Variants in SSBP2 observed in about 807,000 individuals in gnomAD.
The protein encoded by SSBP2 is single stranded DNA binding protein 2.
A neutral mutation model predicts 61.8 loss-of-function variants in SSBP2; 17 were observed. The observed-to-expected ratio is 0.28, with a 90% CI of 0.19 to 0.41. The LOEUF is 0.41. Ranked by LOEUF, SSBP2 falls within the 10% of genes least tolerant of loss-of-function variation. The pLI, the probability that SSBP2 is intolerant of heterozygous loss-of-function variation, is 1.00. For missense variants in SSBP2, 310 were observed against 458.7 expected (o/e 0.68, Z 2.96); for synonymous variants, 139 against 141.3 (o/e 0.98, Z 0.12).
In SSBP2 at chr5:81,462,414, G is replaced by C. The variant is rs138487078; in HGVS notation, c.639-1311C>G. Among the ~76,000 whole-genome samples, 202 of 152,268 alleles carry C rather than the reference G, an allele frequency of 1.3e-3. 1 individual carries two copies. The highest frequency in any genetic ancestry group is 4.7e-3 in the African/African-American group (196 of 41,560). On this transcript the variant is annotated intron_variant, in intron 9 of 16. Coordinates refer to ENST00000320672, the MANE Select transcript of SSBP2 (RefSeq NM_012446.5). ...GATTCCCTAGAGGTGTGAGCAGCAG[G>C]GAAGGGAATGAGTCCTGTCCCTGGG...
At chr5:81,494,890 GA>G (rs1192991720) in intron 5 of SSBP2, among the ~76,000 whole-genome samples, 1 of 152,012 alleles carries the variant, frequency 6.6e-6, no homozygotes, top group African/African-American at 2.4e-5. Context: ...GTCTTTTGGA[GA>G]AAAAATTACA....
intron 1 of SSBP2, among the ~76,000 whole-genome samples, chr5:81,711,056 T>C (rs543796655): frequency 6.6e-6 from 1 of 152,098 alleles, no homozygotes; most frequent in East Asian, 1.9e-4. Flanking sequence ...TTAATAACAA[T>C]AAAAATAACA....
rs999548349 is a variant in SSBP2, at chr5:81,704,697, G to T, written c.62+46284C>A. On this transcript the variant is annotated intron_variant, in intron 1 of 16. Coordinates refer to ENST00000320672, the MANE Select transcript of SSBP2 (RefSeq NM_012446.5). The stretch of plus-strand genomic sequence containing the variant: ...TTTAGTCCCAGCTGCTTGGAAGGCT[G>T]AGGCAGGAGAACCGCTTGAACCCAG... Among the ~76,000 whole-genome samples the T allele has an allele frequency of 1.8e-4, 27 of 149,308 alleles. 1 individual carries two copies. Among genetic ancestry groups the T allele is most frequent in the Non-Finnish European group, 4.4e-5 (3 of 67,596 alleles).
intron 1 of SSBP2, among the ~76,000 whole-genome samples, chr5:81,692,348 T>A (rs564300227): frequency 6.6e-6 from 1 of 151,474 alleles, no homozygotes; most frequent in Non-Finnish European, 1.5e-5. Context: ...ATGAAAGAAA[T>A]TGAAGAGGAC....
chr5:81,521,360 G>A (rs1289102618), intron 4 of SSBP2, among the ~76,000 whole-genome samples: 2 of 151,700 alleles, frequency 1.3e-5, no homozygotes, highest in African/African-American at 2.4e-5. Context: ...CATACTCTTA[G>A]CATCCAAAAT....
intron 4 of SSBP2, among the ~76,000 whole-genome samples, chr5:81,535,781 T>C (rs530684123): frequency 6.6e-6 from 1 of 151,964 alleles, no homozygotes; most frequent in Non-Finnish European, 1.5e-5. Flanking sequence ...ACCACAGACA[T>C]ACAAGTAAAA....
At chr5:81,432,546 A>T (rs114092442) in intron 15 of SSBP2, among the ~76,000 whole-genome samples, 1,542 of 152,264 alleles carry the variant, frequency 0.01, 21 homozygotes, top group African/African-American at 0.035. Flanking sequence ...GGAGTTTGAG[A>T]CTAGCCTGGC....
At chr5:81,518,910 G>A (rs1471899917) in intron 4 of SSBP2, among the ~76,000 whole-genome samples, 1 of 152,052 alleles carries the variant, frequency 6.6e-6, no homozygotes, top group Non-Finnish European at 1.5e-5. Context: ...ATCACATATT[G>A]ATAGTTTTCT....
At chr5:81,509,411 T>A (rs1017378052) in intron 5 of SSBP2, among the ~76,000 whole-genome samples, 1 of 152,200 alleles carries the variant, frequency 6.6e-6, no homozygotes, top group Non-Finnish European at 1.5e-5. Flanking sequence ...TGAATTATGA[T>A]TGTCTGCTGC....
chr5:81,441,349 G>A (rs561759764), intron 13 of SSBP2, among the ~76,000 whole-genome samples: 2 of 152,266 alleles, frequency 1.3e-5, no homozygotes, highest in Admixed American at 6.5e-5. Context: ...AGAACCCATG[G>A]CCCGCCCACT....
chr5:81,517,899 G>A (rs1396145995), intron 4 of SSBP2, among the ~76,000 whole-genome samples: 1 of 151,818 alleles, frequency 6.6e-6, no homozygotes, highest in Non-Finnish European at 1.5e-5. Flanking sequence ...GTCTCTGGTA[G>A]GGAAAAAAAG....
intron 4 of SSBP2, among the ~76,000 whole-genome samples, chr5:81,585,147 A>T (rs115863379): frequency 0.012 from 1,833 of 152,136 alleles, 27 homozygotes; most frequent in African/African-American, 0.032. Flanking sequence ...GTGAGTTTAT[A>T]TTTGCTTCAG....
chr5:81,736,644 C>A (rs1306462812), intron 1 of SSBP2, among the ~76,000 whole-genome samples: 1 of 151,846 alleles, frequency 6.6e-6, no homozygotes, highest in African/African-American at 2.4e-5. Flanking sequence ...CTAAATTTTT[C>A]TTCTTGGAAT....
intron 15 of SSBP2, among the ~76,000 whole-genome samples, chr5:81,432,874 C>A (rs1762396674): frequency 6.7e-6 from 1 of 150,252 alleles, no homozygotes; most frequent in African/African-American, 2.5e-5. Flanking sequence ...GCCTGGCCAC[C>A]CCTACTGGGA....
intron 4 of SSBP2, among the ~76,000 whole-genome samples, chr5:81,540,724 A>G (rs1771200894): frequency 6.6e-6 from 1 of 152,204 alleles, no homozygotes; most frequent in Admixed American, 6.5e-5. Context: ...TATATGCCCT[A>G]TAAAAGAAAC....
chr5:81,426,012 T>TTAAACTCTGTGTATTAAACACA (rs1413623640), intron 16 of SSBP2, among the ~76,000 whole-genome samples: 1 of 152,254 alleles, frequency 6.6e-6, no homozygotes, highest in African/African-American at 2.4e-5. Flanking sequence ...TTCAGAGTTA[T>TTAAACTCTGTGTATTAAACACA]GTGTATTAAA....
chr5:81,427,263 G>C (rs926674465), intron 16 of SSBP2, among the ~76,000 whole-genome samples: 5 of 152,042 alleles, frequency 3.3e-5, no homozygotes, highest in Non-Finnish European at 5.9e-5. Context: ...ATAATCTTAA[G>C]CATTATGACT....
rs562822764 is a variant in SSBP2 at position 81,538,968 on chromosome 5, C to T, written c.283-25251G>A. Among the ~76,000 whole-genome samples, 9 of 152,234 alleles carry T rather than the reference C, an allele frequency of 5.9e-5. No homozygotes were observed. In the South Asian group the frequency reaches 1.5e-3, roughly 25 times the overall value. The stretch of plus-strand genomic sequence containing the variant: ...CTATTCTGCAGCCCATGGATCATGG[C>T]GTAACTTTGACTTTCAAGACTTATT... On this transcript the variant is annotated intron_variant, in intron 4 of 16. Transcript: ENST00000320672.
chr5:81,435,199 T>C (rs1009546608), intron 15 of SSBP2, among the ~76,000 whole-genome samples: 2 of 152,344 alleles, frequency 1.3e-5, no homozygotes, highest in South Asian at 4.1e-4. Context: ...AACTTTGCTT[T>C]GTAAAAATTT....
Sources: gnomAD v4.1 joint callset for allele counts (sites outside exome capture counted in the v4.1 genomes callset) on GRCh38, gnomAD v4.1.1 for gene constraint, MANE v1.5 for transcripts, NCBI Gene and HGNC (gene_info 2026-07-23, HGNC 2026-07-21) for gene names.